Variants in CADM2 observed in about 807,000 individuals in gnomAD.
CADM2 encodes cell adhesion molecule 2.
CADM2 carries 12 observed loss-of-function variants against 49.8 expected under a neutral mutation model. The observed-to-expected ratio is 0.24, with a 90% CI of 0.15 to 0.39. CADM2 has a LOEUF of 0.39. Ranked by LOEUF, CADM2 falls within the 10% of genes least tolerant of loss-of-function variation. CADM2 has a pLI of 1.00. For synonymous variants in CADM2, 214 were observed against 175.4 expected, an observed-to-expected ratio of 1.22 and a Z score of -1.74; for missense variants, 378 against 492.3, an observed-to-expected ratio of 0.77 and a Z score of 2.20.
At chr3:85,505,005 T>G (rs1341897147) in intron 1 of CADM2, among the ~76,000 whole-genome samples, 1 of 152,042 alleles carries the variant, frequency 6.6e-6, no homozygotes, top group East Asian at 1.9e-4. Context: ...CACCCGGAAC[T>G]CCAGCTGGCC....
At chr3:85,446,563 A>T (rs1576570257) in intron 1 of CADM2, among the ~76,000 whole-genome samples, 1 of 150,900 alleles carries the variant, frequency 6.6e-6, no homozygotes, top group African/African-American at 2.4e-5. Flanking sequence ...GATTATTATA[A>T]TATTTTATAA....
chr3:85,379,854 T>C (rs1326634753), intron 1 of CADM2, among the ~76,000 whole-genome samples: 2 of 152,108 alleles, frequency 1.3e-5, no homozygotes, highest in Admixed American at 1.3e-4. Context: ...TGGCTTTTAT[T>C]CTATAACTGG....
intron 1 of CADM2, among the ~76,000 whole-genome samples, chr3:85,543,257 A>AT (rs200975208): frequency 3.6e-3 from 146 of 40,856 alleles, no homozygotes; most frequent in African/African-American, 5.4e-3. Context: ...TTTATTTTTT[A>AT]TTTTTATTTT....
At chr3:85,539,244 T>C (rs1052733889) in intron 1 of CADM2, among the ~76,000 whole-genome samples, 3 of 109,044 alleles carry the variant, frequency 2.8e-5, no homozygotes, top group African/African-American at 7.6e-5. Flanking sequence ...AATAGATCAG[T>C]GTGAATAAGA....
At chr3:85,059,357 G>T (rs1218312870) in intron 1 of CADM2, among the ~76,000 whole-genome samples, 5 of 150,894 alleles carry the variant, frequency 3.3e-5, no homozygotes, top group Admixed American at 3.3e-4. Context: ...AAAGTCTTAC[G>T]AATTCATCTA....
intron 1 of CADM2, among the ~76,000 whole-genome samples, chr3:85,521,950 C>T (rs183501919): frequency 3.9e-4 from 60 of 152,166 alleles, no homozygotes; most frequent in Non-Finnish European, 5.9e-4. Flanking sequence ...CAGTACCAGT[C>T]GCTTTTCTGG....
chr3:86,067,870 T>A lies in CADM2; in HGVS notation c.*1087T>A, dbSNP rs1252944036. 1.3e-5 allele frequency: 2 copies of A among 152,522 alleles called. No homozygotes were observed. Among genetic ancestry groups the A allele is most frequent in the Non-Finnish European group, 2.9e-5 (2 of 67,930 alleles). The allele number at this position is 152,522 out of a possible 1,614,324, so 9.4% of individuals were successfully genotyped here. A position where few individuals can be genotyped will look rare whatever the true frequency, so the allele number is the denominator to read the frequency against. ...AACAACAAATTTTTCTAGTTCTTGT[T>A]AATTTTTATTTGTTATACAATGGAA... On this transcript the variant is annotated 3_prime_UTR_variant, in exon 10 of 10. Coordinates refer to ENST00000383699, the MANE Select transcript of CADM2 (RefSeq NM_001167675.2).
Position 85,912,509 on chromosome 3 carries a change from C to G in CADM2, c.666C>G (p.Thr222=). ...TAGATCACGAATCCCTCAATGCCAC[C>G]CCTCAGGTAGCCATGCAGGTGCTAG... ...CRVDHESLNA[T]PQVAMQVLEI... The change falls in exon 6 of 10, where the codon ACC becomes ACG. Residue 222 remains threonine, a synonymous_variant. Coordinates refer to ENST00000383699, the MANE Select transcript of CADM2 (RefSeq NM_001167675.2). 1 of 1,613,806 alleles carries G rather than the reference C, an allele frequency of 6.2e-7. No homozygotes were observed. Among genetic ancestry groups the G allele is most frequent in the Non-Finnish European group, 8.5e-7 (1 of 1,179,824 alleles).
intron 1 of CADM2, among the ~76,000 whole-genome samples, chr3:85,679,434 T>C (rs548707141): frequency 6.6e-6 from 1 of 152,272 alleles, no homozygotes; most frequent in Admixed American, 6.5e-5. Context: ...GTCTTTTCTC[T>C]ATAATAATGT....
At chr3:85,638,300 T>G (rs1257267053) in intron 1 of CADM2, among the ~76,000 whole-genome samples, 1 of 152,192 alleles carries the variant, frequency 6.6e-6, no homozygotes, top group Non-Finnish European at 1.5e-5. Context: ...TAAATAAAGT[T>G]GTTTAATTCT....
chr3:85,579,381 A>C (rs1372767623), intron 1 of CADM2, among the ~76,000 whole-genome samples: 2 of 152,070 alleles, frequency 1.3e-5, no homozygotes, highest in Non-Finnish European at 2.9e-5. Context: ...ATCACTGCCT[A>C]GTTTACGACC....
At chr3:85,895,898 G>T (rs2108433525) in intron 5 of CADM2, among the ~76,000 whole-genome samples, 1 of 152,252 alleles carries the variant, frequency 6.6e-6, no homozygotes, top group South Asian at 2.1e-4. Context: ...ATATGGAACT[G>T]TGAGTCCATT....
intron 3 of CADM2, among the ~76,000 whole-genome samples, chr3:85,817,701 T>C (rs544926288): frequency 6.6e-6 from 1 of 152,268 alleles, no homozygotes; most frequent in Non-Finnish European, 1.5e-5. Flanking sequence ...CTTGACTGAT[T>C]GCATAAACCA....
intron 1 of CADM2, among the ~76,000 whole-genome samples, chr3:85,710,962 A>G (rs1373919721): frequency 1.3e-5 from 2 of 152,102 alleles, no homozygotes; most frequent in Non-Finnish European, 2.9e-5. Context: ...TAGGCTTAAC[A>G]TAGATTCAAA....
chr3:85,677,897 A>T (rs559325138), intron 1 of CADM2, among the ~76,000 whole-genome samples: 1 of 152,222 alleles, frequency 6.6e-6, no homozygotes, highest in Non-Finnish European at 1.5e-5. Context: ...CAGCTCTGCT[A>T]CTGGACCTCT....
intron 1 of CADM2, among the ~76,000 whole-genome samples, chr3:85,190,491 A>G (rs1430915570): frequency 1.3e-5 from 2 of 152,098 alleles, no homozygotes; most frequent in East Asian, 3.9e-4. Context: ...AGTGTTATGA[A>G]ACTCTATGGC....
intron 1 of CADM2, among the ~76,000 whole-genome samples, chr3:85,211,018 A>G (rs1380930919): frequency 1.3e-5 from 2 of 152,124 alleles, no homozygotes; most frequent in Non-Finnish European, 2.9e-5. Flanking sequence ...GGTAGGTTGT[A>G]CTTGTGTAGG....
chr3:85,743,937 A>C (rs536853389), intron 2 of CADM2, among the ~76,000 whole-genome samples: 127 of 152,294 alleles, frequency 8.3e-4, no homozygotes, highest in African/African-American at 3.1e-3. Context: ...TTATTAGGCA[A>C]GTTCTACTTT....
At chr3:85,547,156 C>A (rs1464143433) in intron 1 of CADM2, among the ~76,000 whole-genome samples, 1 of 151,552 alleles carries the variant, frequency 6.6e-6, no homozygotes, top group East Asian at 1.9e-4. Flanking sequence ...TGTATTGATG[C>A]AAAATTTCAT....
Sources: allele counts gnomAD v4.1 joint callset (sites outside exome capture counted in the v4.1 genomes callset), GRCh38; gene constraint gnomAD v4.1.1; transcripts MANE v1.5; gene names NCBI Gene and HGNC (gene_info 2026-07-23, HGNC 2026-07-21).